The following RAB8B variants were observed in gnomAD, a reference collection of about 807,000 sequenced individuals.
RAB8B encodes ras-related protein Rab-8B.
RAB8B carries 11 observed loss-of-function variants against 32.0 expected under a neutral mutation model. The observed-to-expected ratio is 0.34, with a 90% CI of 0.22 to 0.57. The LOEUF is 0.57. RAB8B is among the 20% of genes least tolerant of loss of function. The pLI is 0.86. For missense variants in RAB8B, 190 were observed against 258.5 expected (o/e 0.73, Z 1.82); for synonymous variants, 103 against 89.6 (o/e 1.15, Z -0.85).
At chr15:63,238,326 C>A (rs545204505) in intron 1 of RAB8B, among the ~76,000 whole-genome samples, 40 of 151,934 alleles carry the variant, frequency 2.6e-4, no homozygotes, top group Non-Finnish European at 5.3e-4. Context: ...AGTCTCCAGT[C>A]ATCTGGGGCT....
chr15:63,189,622 A>T lies in RAB8B; in HGVS notation c.-3A>T. 6.2e-7 allele frequency: 1 copy of T among 1,613,362 alleles called. No homozygotes were observed. Among genetic ancestry groups the T allele is most frequent in the Non-Finnish European group, 8.5e-7 (1 of 1,179,624 alleles). On this transcript the variant is annotated 5_prime_UTR_variant, in exon 1 of 8. Transcript: ENST00000321437. ...TCCCCGGTCAGAGGGCCGGAGCGAG[A>T]AGATGGCGAAGACGTACGATTATCT...
At chr15:63,250,500 T>C (rs1231237935) in intron 3 of RAB8B, among the ~76,000 whole-genome samples, 1 of 152,182 alleles carries the variant, frequency 6.6e-6, no homozygotes, top group East Asian at 1.9e-4. Context: ...TACCAAGTTA[T>C]TTGCTGAATC....
intron 1 of RAB8B, among the ~76,000 whole-genome samples, chr15:63,240,365 T>C (rs1355420125): frequency 1.3e-5 from 2 of 152,138 alleles, no homozygotes; most frequent in African/African-American, 4.8e-5. Context: ...ATTTCAGAGT[T>C]CCCAGAGCAC....
chr15:63,195,715 G>C (rs2037594261), intron 1 of RAB8B, among the ~76,000 whole-genome samples: 1 of 152,246 alleles, frequency 6.6e-6, no homozygotes, highest in Non-Finnish European at 1.5e-5. Context: ...CTGGACATCA[G>C]CTCTCCTGTG....
intron 6 of RAB8B, among the ~76,000 whole-genome samples, chr15:63,260,580 A>G (rs2038194533): frequency 1.3e-5 from 2 of 152,204 alleles, no homozygotes; most frequent in Non-Finnish European, 2.9e-5. Flanking sequence ...TCAATACCTA[A>G]CGTAGATGAC....
At chr15:63,198,873 A>T (rs991891774) in intron 1 of RAB8B, among the ~76,000 whole-genome samples, 2 of 152,368 alleles carry the variant, frequency 1.3e-5, no homozygotes, top group South Asian at 2.1e-4. Flanking sequence ...TTATGCACAC[A>T]TACATACGAA....
intron 2 of RAB8B, among the ~76,000 whole-genome samples, chr15:63,246,054 A>T (rs889713045): frequency 6.6e-6 from 1 of 152,096 alleles, no homozygotes; most frequent in Non-Finnish European, 1.5e-5. Context: ...TTGTATTTTC[A>T]GTAGAAACGG....
chr15:63,233,792 A>G (rs971489078), intron 1 of RAB8B, among the ~76,000 whole-genome samples: 2 of 152,228 alleles, frequency 1.3e-5, no homozygotes, highest in African/African-American at 4.8e-5. Context: ...GTACTTTTGA[A>G]ACAAAGTCCT....
intron 1 of RAB8B, among the ~76,000 whole-genome samples, chr15:63,206,247 A>C (rs1179686481): frequency 1.3e-5 from 2 of 152,192 alleles, no homozygotes; most frequent in Non-Finnish European, 2.9e-5. Flanking sequence ...TATAGTAATA[A>C]ATGCCTGCTA....
Position 63,221,202 on chromosome 15 carries a change from T to G in RAB8B, c.125-23554T>G, listed in dbSNP as rs114725899. Among the ~76,000 whole-genome samples the G allele has an allele frequency of 5.6e-3, 855 of 152,270 alleles. 7 individuals are homozygous for G. Among genetic ancestry groups the G allele is most frequent in the African/African-American group, 0.018 (762 of 41,554 alleles). ...GCATGAAAGAGGCATTTCTGAGGTT[T>G]TATGCTGAGGAATTGTGAAAAATAA... On this transcript the variant is annotated intron_variant, in intron 1 of 7. Coordinates refer to ENST00000321437, the MANE Select transcript of RAB8B (RefSeq NM_016530.3).
intron 6 of RAB8B, among the ~76,000 whole-genome samples, chr15:63,261,114 T>A (rs2038199993): frequency 6.6e-6 from 1 of 152,058 alleles, no homozygotes; most frequent in Non-Finnish European, 1.5e-5. Context: ...GGACAAAAGA[T>A]CTGAATAGAC....
chr15:63,249,244 G>C (rs2038095382), intron 2 of RAB8B, among the ~76,000 whole-genome samples: 1 of 151,850 alleles, frequency 6.6e-6, no homozygotes, highest in Non-Finnish European at 1.5e-5. Context: ...AGACATTCAG[G>C]CAAGAAAGCA....
intron 1 of RAB8B, among the ~76,000 whole-genome samples, chr15:63,203,618 A>G (rs931642130): frequency 6.6e-6 from 1 of 152,248 alleles, no homozygotes; most frequent in Admixed American, 6.5e-5. Flanking sequence ...AAGAGCTAAC[A>G]TTTATTGAGT....
Position 63,221,021 on chromosome 15 carries a change from TA to T in RAB8B, c.125-23734del, listed in dbSNP as rs148464368. 2.1e-4 allele frequency among the ~76,000 whole-genome samples: 32 copies of T among 152,124 alleles called. 1 individual carries two copies. In the East Asian group the frequency reaches 6.2e-3, roughly 29 times the overall value. On this transcript the variant is annotated intron_variant, in intron 1 of 7. Coordinates refer to ENST00000321437, the MANE Select transcript of RAB8B (RefSeq NM_016530.3). Reference sequence around the variant, plus strand: ...TTCTAAATTCTGTAGGAGTTTAGGGTAGAGAGTGAGCAGAGTTGGCTGGAAT... The same window carrying T: ...TTCTAAATTCTGTAGGAGTTTAGGGTGAGAGTGAGCAGAGTTGGCTGGAAT...
intron 1 of RAB8B, among the ~76,000 whole-genome samples, chr15:63,218,233 T>C (rs1384907562): frequency 6.6e-6 from 1 of 152,238 alleles, no homozygotes; most frequent in African/African-American, 2.4e-5. Flanking sequence ...GTTACTTATC[T>C]GGACCTCTGT....
chr15:63,206,299 C>A (rs977220674), intron 1 of RAB8B, among the ~76,000 whole-genome samples: 18 of 152,018 alleles, frequency 1.2e-4, no homozygotes, highest in Admixed American at 3.3e-4. Context: ...GTTCCTGGGG[C>A]AGAGAAGGCC....
chr15:63,233,740 A>AT (rs1468606002), intron 1 of RAB8B, among the ~76,000 whole-genome samples: 1 of 152,254 alleles, frequency 6.6e-6, no homozygotes, highest in Non-Finnish European at 1.5e-5. Context: ...TACAAACCAC[A>AT]TAACCCATAT....
intron 1 of RAB8B, among the ~76,000 whole-genome samples, chr15:63,238,164 T>C (rs2141132315): frequency 6.6e-6 from 1 of 152,192 alleles, no homozygotes; most frequent in Middle Eastern, 3.4e-3. Context: ...AACAAAGGGC[T>C]TTTTGACCTG....
intron 1 of RAB8B, among the ~76,000 whole-genome samples, chr15:63,198,405 C>T (rs140278099): frequency 2.7e-4 from 41 of 152,244 alleles, no homozygotes; most frequent in African/African-American, 9.6e-4. Context: ...AATGCTAACA[C>T]TCTGCTTGTT....
Sources: gnomAD v4.1 joint callset for allele counts (sites outside exome capture counted in the v4.1 genomes callset) on GRCh38, gnomAD v4.1.1 for gene constraint, MANE v1.5 for transcripts, NCBI Gene and HGNC (gene_info 2026-07-23, HGNC 2026-07-21) for gene names.